The following SRGAP3 variants were observed in gnomAD, a reference collection of about 807,000 sequenced individuals.
SRGAP3 encodes the protein SLIT-ROBO Rho GTPase-activating protein 3.
SRGAP3 carries 39 observed loss-of-function variants against 121.1 expected under a neutral mutation model. The observed-to-expected ratio is 0.32, with a 90% CI of 0.25 to 0.42. The LOEUF is 0.42. Among genes scored for constraint, SRGAP3 ranks in the 10% least tolerant of loss-of-function variants. The probability of loss-of-function intolerance (pLI) is 1.00; values close to 1 mark genes in which losing one functional copy is unlikely to be tolerated. For synonymous variants in SRGAP3, 601 were observed against 570.0 expected (o/e 1.05, Z -0.77); for missense variants, 1,213 against 1,470.6 (o/e 0.82, Z 2.86).
chr3:9,217,032 A>G (rs1952659723), intron 1 of SRGAP3: 1 of 152,138 alleles, frequency 6.6e-6, no homozygotes, highest in African/African-American at 2.4e-5. Context: ...GTTCCTGTTC[A>G]CTGGGTGCAG....
At chr3:9,155,821 C>T (rs184175321) in intron 1 of SRGAP3, among the ~76,000 whole-genome samples, 319 of 152,110 alleles carry the variant, frequency 2.1e-3, no homozygotes, top group Non-Finnish European at 3.6e-3. Context: ...GATGCTATTG[C>T]TTTCTTTTTC....
In SRGAP3 at chr3:9,155,909, G is replaced by A. The variant is rs60184178; in HGVS notation, c.68-30992C>T. ...TGGCTCACTGCAAGCTCCACCTCCCGGGTTCACGCCATTCTCCTGCCTCAG... is the reference window on the plus strand; with the variant it reads ...TGGCTCACTGCAAGCTCCACCTCCCAGGTTCACGCCATTCTCCTGCCTCAG... On this transcript the variant is annotated intron_variant, in intron 1 of 21. Coordinates refer to ENST00000383836, the MANE Select transcript of SRGAP3 (RefSeq NM_014850.4). Among the ~76,000 whole-genome samples, 125 of 152,190 alleles carry A rather than the reference G, an allele frequency of 8.2e-4. 2 individuals carry two copies. In the East Asian group the frequency reaches 0.021, roughly 25 times the overall value.
intron 1 of SRGAP3, among the ~76,000 whole-genome samples, chr3:9,184,957 T>G (rs1411118800): frequency 6.6e-6 from 1 of 152,224 alleles, no homozygotes; most frequent in African/African-American, 2.4e-5. Context: ...AGCCCTGGGC[T>G]GGCTGTTGTA....
chr3:9,341,438 T>C (rs1254802109), intron 1 of SRGAP3, among the ~76,000 whole-genome samples: 1 of 152,130 alleles, frequency 6.6e-6, no homozygotes, highest in Non-Finnish European at 1.5e-5. Context: ...TATAGGAGCC[T>C]CCCCTGAAAT....
chr3:9,070,960 C>T (rs535007033), intron 4 of SRGAP3, among the ~76,000 whole-genome samples: 2 of 152,182 alleles, frequency 1.3e-5, no homozygotes, highest in East Asian at 1.9e-4. Flanking sequence ...AGGAAGGCTT[C>T]CCGGAGGAAG....
At chr3:9,299,411 C>T (rs1417644590) in intron 3 of SRGAP3, among the ~76,000 whole-genome samples, 2 of 151,044 alleles carry the variant, frequency 1.3e-5, no homozygotes, top group African/African-American at 4.9e-5. Context: ...AGATAGTAGA[C>T]ATCCAGCCCC....
intron 3 of SRGAP3, among the ~76,000 whole-genome samples, chr3:9,101,487 T>A (rs1385376159): frequency 2.0e-5 from 3 of 152,166 alleles, no homozygotes; most frequent in Non-Finnish European, 4.4e-5. Flanking sequence ...AAATATCCCA[T>A]TCTGGGAAAA....
chr3:9,080,868 G>C (rs1014501793), intron 3 of SRGAP3, among the ~76,000 whole-genome samples: 2 of 152,100 alleles, frequency 1.3e-5, no homozygotes, highest in Admixed American at 1.3e-4. Context: ...ACAAGCTCAG[G>C]GCTCAGGGCT....
At chr3:9,017,028 G>A (rs1004847440) in intron 14 of SRGAP3, among the ~76,000 whole-genome samples, 2 of 151,662 alleles carry the variant, frequency 1.3e-5, no homozygotes, top group Non-Finnish European at 2.9e-5. Context: ...TTGTTTTCTG[G>A]ACCAAAAAAA....
At chr3:8,988,313 G>A (rs1230899864) in intron 21 of SRGAP3, among the ~76,000 whole-genome samples, 2 of 152,138 alleles carry the variant, frequency 1.3e-5, no homozygotes, top group African/African-American at 2.4e-5. Flanking sequence ...AGAAATTTGG[G>A]TCACTCGGCC....
chr3:9,256,668 T>C, intron 3 of SRGAP3: 1 of 395,596 alleles, frequency 2.5e-6, no homozygotes, highest in Non-Finnish European at 4.5e-6. Flanking sequence ...TCCCCATCCC[T>C]CATCCACTCC....
At chr3:9,026,077 C>T (rs1465343067) in intron 13 of SRGAP3, among the ~76,000 whole-genome samples, 1 of 152,138 alleles carries the variant, frequency 6.6e-6, no homozygotes, top group Non-Finnish European at 1.5e-5. Context: ...CCACACTGAC[C>T]TTCCTCCCCA....
intron 11 of SRGAP3, chr3:9,035,296 T>C: frequency 6.3e-6 from 1 of 158,902 alleles, no homozygotes; most frequent in Admixed American, 6.5e-5. Flanking sequence ...TAAGTGTTTT[T>C]TGTTTTTTCT....
At chr3:9,010,690 C>A (rs1943324293) in intron 17 of SRGAP3, among the ~76,000 whole-genome samples, 1 of 152,184 alleles carries the variant, frequency 6.6e-6, no homozygotes, top group Admixed American at 6.5e-5. Flanking sequence ...ATCCAGAGGG[C>A]AGTGGTAAAA....
At chr3:9,157,051 T>G (rs188532351) in intron 1 of SRGAP3, among the ~76,000 whole-genome samples, 2 of 152,288 alleles carry the variant, frequency 1.3e-5, no homozygotes, top group Admixed American at 1.3e-4. Context: ...GGGGTATGTT[T>G]CTTGAGCATA....
At chr3:9,190,901 C>A (rs1447357277) in intron 1 of SRGAP3, among the ~76,000 whole-genome samples, 1 of 152,162 alleles carries the variant, frequency 6.6e-6, no homozygotes, top group Non-Finnish European at 1.5e-5. Flanking sequence ...CAGCCAGTCA[C>A]CCCTTTGTTC....
Position 8,982,579 on chromosome 3 carries a change from C to CA in SRGAP3, c.*2939dup. ...CTTTCCAGCATTTAAGCAAATACAGCAATATATAGTGGACTAAAACAGGCA... is the reference window on the plus strand; with the variant it reads ...CTTTCCAGCATTTAAGCAAATACAGCAAATATATAGTGGACTAAAACAGGCA... On this transcript the variant is annotated 3_prime_UTR_variant, in exon 22 of 22. Transcript: ENST00000383836. The CA allele has an allele frequency of 4.5e-6, 1 of 223,420 alleles. No individual in the cohort carries two copies. Among genetic ancestry groups the CA allele is most frequent in the East Asian group, 6.5e-5 (1 of 15,410 alleles). The allele number at this position is 223,420 out of a possible 1,614,324, so 13.8% of individuals were successfully genotyped here.
At chr3:9,047,325 G>A in intron 10 of SRGAP3, 66 bp downstream of exon 10, 15 of 1,531,468 alleles carry the variant, frequency 9.8e-6, no homozygotes, top group Non-Finnish European at 1.3e-5. Context: ...CAACACGTCA[G>A]GGGGCCACAG....
chr3:9,354,515 T>C (rs138316783), intron 1 of SRGAP3, among the ~76,000 whole-genome samples: 2 of 151,580 alleles, frequency 1.3e-5, no homozygotes, highest in African/African-American at 4.8e-5. Context: ...CGGTCTCTAC[T>C]AAAAAACACA....
Sources: allele counts gnomAD v4.1 joint callset (sites outside exome capture counted in the v4.1 genomes callset), GRCh38; gene constraint gnomAD v4.1.1; transcripts MANE v1.5; gene names NCBI Gene and HGNC (gene_info 2026-07-23, HGNC 2026-07-21).